The following ARFGEF3 variants were observed in gnomAD, a reference collection of about 807,000 sequenced individuals.
The protein encoded by ARFGEF3 is ARFGEF family member 3, also known as brefeldin A-inhibited guanine nucleotide-exchange protein 3.
A neutral mutation model predicts 221.7 loss-of-function variants in ARFGEF3; 96 were observed. The observed-to-expected ratio is 0.43, with a 90% CI of 0.37 to 0.51. The LOEUF is 0.51. ARFGEF3 is among the 20% of genes least tolerant of loss of function. The pLI is 0.00. For missense variants in ARFGEF3, 2,410 were observed against 2,789.9 expected, an observed-to-expected ratio of 0.86 and a Z score of 3.07; for synonymous variants, 1,145 against 1,126.8, an observed-to-expected ratio of 1.02 and a Z score of -0.32.
chr6:138,263,683 A>G (rs1778834045), intron 12 of ARFGEF3, 72 bp downstream of exon 12: 1 of 1,328,482 alleles, frequency 7.5e-7, no homozygotes, highest in Admixed American at 2.1e-5. Context: ...GGCAATTACT[A>G]TCATGCTTAT....
chr6:138,291,560 A>G lies in ARFGEF3; in HGVS notation c.3048-173A>G, dbSNP rs1359309569. Among the ~76,000 whole-genome samples, 1 of 152,052 alleles carries G rather than the reference A, an allele frequency of 6.6e-6. No homozygotes were observed. Among genetic ancestry groups the G allele is most frequent in the African/African-American group, 2.4e-5 (1 of 41,416 alleles). The stretch of plus-strand genomic sequence containing the variant: ...TCCAACTCAAATACTACTAATAATA[A>G]TGCTGTGTGACATGAGAACACAGGA... On this transcript the variant is annotated intron_variant, in intron 18 of 33. Coordinates refer to ENST00000251691, the MANE Select transcript of ARFGEF3 (RefSeq NM_020340.5). The surrounding 1 kb of genome is among the most constrained non-coding windows in gnomAD (Gnocchi z 4.5).
intron 4 of ARFGEF3, among the ~76,000 whole-genome samples, chr6:138,215,240 A>G (rs1562356016): frequency 6.6e-6 from 1 of 152,280 alleles, no homozygotes; most frequent in East Asian, 1.9e-4. Flanking sequence ...GAGTCTTCAA[A>G]GGCTGCCGAA....
At chr6:138,178,344 C>G (rs1776996878) in intron 2 of ARFGEF3, among the ~76,000 whole-genome samples, 1 of 152,146 alleles carries the variant, frequency 6.6e-6, no homozygotes. Flanking sequence ...GCATGTTGAG[C>G]ACTAAAATGT....
intron 4 of ARFGEF3, among the ~76,000 whole-genome samples, chr6:138,228,006 C>T (rs797009414): frequency 5.9e-5 from 9 of 152,262 alleles, no homozygotes; most frequent in African/African-American, 1.9e-4. Context: ...CCCTCCAAGC[C>T]CAGGGTAGGT....
intron 8 of ARFGEF3, among the ~76,000 whole-genome samples, chr6:138,248,383 C>T (rs941222954): frequency 1.2e-4 from 19 of 152,118 alleles, no homozygotes; most frequent in Non-Finnish European, 4.4e-5. Context: ...TCTCCCTTAC[C>T]CCTGCTCCAC....
rs372312184 is a variant in ARFGEF3, at chr6:138,286,030, G to A, written c.2546G>A (p.Arg849Lys). ...ATESPFAQSRRIDDSTVAGVA... is the reference protein window; with the variant it reads ...ATESPFAQSRKIDDSTVAGVA... ...GAGTCTCCTTTCGCCCAGAGCAGGA[G>A]AATTGATGACTCCACAGTGGCAGGT... The change falls in exon 15 of 34, where the codon AGA (arginine) becomes AAA (lysine). Residue 849 changes from arginine to lysine, a missense_variant. Physicochemically the swap from Arg to Lys is conservative, Grantham distance 26. Transcript: ENST00000251691. The A allele has an allele frequency of 1.2e-6, 2 of 1,606,618 alleles. No individual in the cohort carries two copies. Among genetic ancestry groups the A allele is most frequent in the Non-Finnish European group, 1.7e-6 (2 of 1,178,764 alleles).
chr6:138,276,669 G>T (rs147606796), intron 12 of ARFGEF3, among the ~76,000 whole-genome samples: 2 of 151,526 alleles, frequency 1.3e-5, no homozygotes, highest in East Asian at 3.9e-4. Context: ...TTTGTTTTTC[G>T]TTTTTTTGTT....
chr6:138,229,551 C>G (rs143822161), intron 4 of ARFGEF3, among the ~76,000 whole-genome samples: 1 of 152,178 alleles, frequency 6.6e-6, no homozygotes, highest in South Asian at 2.1e-4. Flanking sequence ...TCTTGCAAGC[C>G]CTTTCCATGG....
intron 2 of ARFGEF3, among the ~76,000 whole-genome samples, chr6:138,175,783 G>A (rs1456921425): frequency 1.3e-5 from 2 of 152,196 alleles, no homozygotes; most frequent in Non-Finnish European, 2.9e-5. Flanking sequence ...TCCAACTTAA[G>A]TCCAATGTCT....
chr6:138,242,971 T>G lies in ARFGEF3; in HGVS notation c.563T>G (p.Val188Gly). 1 of 1,612,546 alleles carries G rather than the reference T, an allele frequency of 6.2e-7. No individual in the cohort carries two copies. The highest frequency in any genetic ancestry group is 8.5e-7 in the Non-Finnish European group (1 of 1,178,996). The change falls in exon 7 of 34, where the codon GTC becomes GGC. Residue 188 changes from valine to glycine, a missense_variant. Val to Gly is a moderately radical substitution (Grantham distance 109). Around this residue, in one of 5 missense-constraint regions of ARFGEF3, gnomAD observed 570 missense variants for 586.9 expected, o/e 0.97. Coordinates refer to ENST00000251691, the MANE Select transcript of ARFGEF3 (RefSeq NM_020340.5). ...QENTIIENPD[V>G]PQDFGNQGST... ...TACTAGATAATTGAAAACCCAGATG[T>G]CCCACAGGATTTCGGGAATCAAGGT...
Position 138,262,995 on chromosome 6 carries a change from C to A in ARFGEF3, c.1512C>A (p.Ser504Arg). Residue 504 changes from serine to arginine, a missense_variant, in exon 12 of 34, where the codon AGC (serine) becomes AGA (arginine). Physicochemically the swap from Ser to Arg is moderately radical, Grantham distance 110. Transcript: ENST00000251691. ...GGAACGAGAGGAGCCTTGACATCAG[C>A]ATCAGTGTCACCACAGACACAGGCC... is the stretch of plus-strand genomic sequence containing the variant. The part of the protein sequence containing the change: ...ESGNERSLDI[S>R]ISVTTDTGQT... 1 of 1,601,132 alleles carries A rather than the reference C, an allele frequency of 6.2e-7. No individual in the cohort carries two copies. Among genetic ancestry groups the A allele is most frequent in the Non-Finnish European group, 8.5e-7 (1 of 1,173,986 alleles).
intron 20 of ARFGEF3, among the ~76,000 whole-genome samples, chr6:138,295,560 G>A (rs1418936402): frequency 1.3e-5 from 2 of 150,994 alleles, no homozygotes; most frequent in South Asian, 2.1e-4. Context: ...AACCCGGGAG[G>A]TGGAGGTTGC....
intron 25 of ARFGEF3, among the ~76,000 whole-genome samples, chr6:138,311,781 A>G (rs1203542760): frequency 6.6e-6 from 1 of 152,108 alleles, no homozygotes; most frequent in African/African-American, 2.4e-5. Context: ...GAATCTCTAT[A>G]TTTGCATGAG....
chr6:138,177,904 G>A (rs1029190138), intron 2 of ARFGEF3, among the ~76,000 whole-genome samples: 1 of 151,774 alleles, frequency 6.6e-6, no homozygotes, highest in Non-Finnish European at 1.5e-5. Context: ...GATTTTTCTT[G>A]CATCTCATTG....
At chr6:138,226,440 T>G (rs1778085770) in intron 4 of ARFGEF3, among the ~76,000 whole-genome samples, 1 of 152,220 alleles carries the variant, frequency 6.6e-6, no homozygotes, top group African/African-American at 2.4e-5. Flanking sequence ...TTATTAGCCA[T>G]TGTAATGATT....
rs182084247 is a variant in ARFGEF3, at chr6:138,334,847, C to T, written c.6001C>T (p.Arg2001Trp). ...CAAAGTGGAGAAGAAGGATCCCAGC[C>T]GGAAGAAGGAGTGGTGGGAGAATGC... ...SPKVEKKDPS[R>W]KKEWWENAGN... Residue 2001 changes from arginine to tryptophan, a missense_variant, in exon 33 of 34, where the codon CGG becomes TGG. By Grantham distance (101) the Arg-to-Trp change is moderately radical. This residue lies in a region of ARFGEF3 where 339 missense variants were observed against 334.9 expected (regional missense o/e 1.01). Transcript: ENST00000251691. The surrounding 1 kb of genome is among the most constrained non-coding windows in gnomAD (Gnocchi z 5.1). 19 of 1,596,902 alleles carry T rather than the reference C, an allele frequency of 1.2e-5. No homozygotes were observed. Among genetic ancestry groups the T allele is most frequent in the South Asian group, 1.1e-4 (10 of 87,974 alleles).
In ARFGEF3 at chr6:138,162,301, C is replaced by A. The variant is rs1015913482; in HGVS notation, c.85+130C>A. The A allele has an allele frequency of 1.7e-6, 1 of 575,118 alleles. No individual in the cohort carries two copies. The highest frequency in any genetic ancestry group is 3.7e-5 in the Admixed American group (1 of 27,048). 35.6% of individuals were successfully genotyped at this position (575,118 alleles called of 1,614,324 possible). ...GTTCTGGCGATTGCGAGAGTCGCCT[C>A]GGGAAATTGATGTGGGATTTGAGAG... On this transcript the variant is annotated intron_variant, in intron 1 of 33. Transcript: ENST00000251691. The surrounding 1 kb of genome is among the most constrained non-coding windows in gnomAD (Gnocchi z 4.7).
Position 138,170,645 on chromosome 6 carries a change from TA to T in ARFGEF3, c.86-15del. The T allele has an allele frequency of 6.9e-7, 1 of 1,449,548 alleles. No individual in the cohort carries two copies. The highest frequency in any genetic ancestry group is 9.7e-7 in the Non-Finnish European group (1 of 1,032,428). 89.8% of individuals were successfully genotyped at this position (1,449,548 alleles called of 1,614,324 possible). A position where few individuals can be genotyped will look rare whatever the true frequency, so the allele number is the denominator to read the frequency against. ...TGTTTAAATATTTATTTTAACTTTGTAATTTTTCTTTTGCAGAAACTCTAGG... is the reference window on the plus strand; with the variant it reads ...TGTTTAAATATTTATTTTAACTTTGTATTTTTCTTTTGCAGAAACTCTAGG... On this transcript the variant is annotated splice_polypyrimidine_tract_variant and intron_variant, in intron 1 of 33. Transcript: ENST00000251691.
intron 31 of ARFGEF3, among the ~76,000 whole-genome samples, chr6:138,327,421 C>A (rs1037242167): frequency 6.6e-6 from 1 of 152,112 alleles, no homozygotes; most frequent in Non-Finnish European, 1.5e-5. Flanking sequence ...TGCACTCCAG[C>A]CTGGACAACA....
Sources: allele counts gnomAD v4.1 joint callset (sites outside exome capture counted in the v4.1 genomes callset), GRCh38; gene constraint gnomAD v4.1.1; regional missense constraint gnomAD v4.1.1; non-coding constraint Gnocchi (gnomAD v3.1); transcripts MANE v1.5; gene names NCBI Gene and HGNC (gene_info 2026-07-23, HGNC 2026-07-21).